The following LRRC37A3 variants were observed in gnomAD, a reference collection of about 807,000 sequenced individuals.
LRRC37A3 encodes the protein leucine-rich repeat-containing protein 37A3.
LRRC37A3 carries 25 observed loss-of-function variants against 106.2 expected under a neutral mutation model. The observed-to-expected ratio is 0.24, with a 90% confidence interval of 0.17 to 0.33. LRRC37A3 has a LOEUF of 0.33. LRRC37A3 is among the 10% of genes least tolerant of loss of function. The pLI is 1.00. For synonymous variants in LRRC37A3, 305 were observed against 635.8 expected (o/e 0.48, Z 7.83); for missense variants, 712 against 1,644.9 (o/e 0.43, Z 9.81).
At chr17:64,855,772 A>C (rs1256156279) in intron 14 of LRRC37A3, 68 bp downstream of exon 14, 1 of 1,605,440 alleles carries the variant, frequency 6.2e-7, no homozygotes, top group Non-Finnish European at 8.5e-7. Context: ...ATTGCACTCC[A>C]GCCTGGCAAC....
rs1268314889 is a variant in LRRC37A3, at chr17:64,866,573, TACATATATACACGTAC to T, written c.3053+1873_3053+1888del. On this transcript the variant is annotated intron_variant, in intron 10 of 14. Coordinates refer to ENST00000584306, the MANE Select transcript of LRRC37A3 (RefSeq NM_199340.5). ...ATATACACGTACATATATATATATATACATATATACACGTACATATATATATATATATATATATATA... is the reference window on the plus strand; with the variant it reads ...ATATACACGTACATATATATATATATATATATATATATATATATATATATA... Among the ~76,000 whole-genome samples the T allele has an allele frequency of 5.9e-3, 600 of 101,898 alleles. 18 individuals are homozygous for T. The highest frequency in any genetic ancestry group is 0.035 in the African/African-American group (561 of 16,082). 66.8% of individuals were successfully genotyped at this position (101,898 alleles called of 152,430 possible). A position where few individuals can be genotyped will look rare whatever the true frequency, so the allele number is the denominator to read the frequency against.
At chr17:64,916,054 T>C (rs959632214) in intron 2 of LRRC37A3, among the ~76,000 whole-genome samples, 8 of 152,108 alleles carry the variant, frequency 5.3e-5, no homozygotes, top group Admixed American at 4.6e-4. Context: ...CAGGCTGCAG[T>C]GAGCCAAGAT....
In LRRC37A3 at chr17:64,860,229, C is replaced by G. The variant is rs764013252; in HGVS notation, c.3917G>C (p.Arg1306Pro). 1 of 1,613,906 alleles carries G rather than the reference C, an allele frequency of 6.2e-7. No homozygotes were observed. The highest frequency in any genetic ancestry group is 8.5e-7 in the Non-Finnish European group (1 of 1,179,858). The change falls in exon 12 of 15, where the codon CGC (arginine) becomes CCC (proline). Residue 1306 changes from arginine (R) to proline (P), a missense_variant. Physicochemically the swap from Arg to Pro is moderately radical, Grantham distance 103 (BLOSUM62 -2). Coordinates refer to ENST00000584306, the MANE Select transcript of LRRC37A3 (RefSeq NM_199340.5). Reference sequence around the variant, plus strand: ...CATGCGGGAGCGAGTTTTGTGAAAGCGGTATTTTTTTCTGGAATGTACGAT... The same window carrying G: ...CATGCGGGAGCGAGTTTTGTGAAAGGGGTATTTTTTTCTGGAATGTACGAT... ...KPIVHSRKKYRFHKTRSRMTH... is the reference protein window; with the variant it reads ...KPIVHSRKKYPFHKTRSRMTH...
intron 14 of LRRC37A3, 76 bp downstream of exon 14, chr17:64,855,764 T>G: frequency 6.2e-7 from 1 of 1,602,792 alleles, no homozygotes; most frequent in Admixed American, 1.7e-5. Context: ...ATCGCGTCAT[T>G]GCACTCCAGC....
In LRRC37A3 at chr17:64,910,156, A is replaced by G. The variant is rs1322726407; in HGVS notation, c.-496+8594T>C. On this transcript the variant is annotated intron_variant, in intron 2 of 14. Coordinates refer to ENST00000584306, the MANE Select transcript of LRRC37A3 (RefSeq NM_199340.5). Reference sequence around the variant, plus strand: ...ATCTGTTATTTAATTAATTTCTCGTATTTTTAATAAAAACTTTGCCTATAT... The same window carrying G: ...ATCTGTTATTTAATTAATTTCTCGTGTTTTTAATAAAAACTTTGCCTATAT... 19 of 152,484 alleles carry G rather than the reference A, an allele frequency of 1.2e-4. No individual in the cohort carries two copies. The East Asian group carries it at 3.7e-3, about 29-fold the overall frequency. 9.4% of individuals were successfully genotyped at this position (152,484 alleles called of 1,614,324 possible).
intron 2 of LRRC37A3, among the ~76,000 whole-genome samples, chr17:64,916,581 G>C (rs1229841685): frequency 7.0e-6 from 1 of 142,846 alleles, no homozygotes; most frequent in Non-Finnish European, 1.5e-5. Flanking sequence ...TTCGAAATCA[G>C]TCTGGGCAAC....
chr17:64,871,450 GTTAA>G (rs1257446317), intron 8 of LRRC37A3: 1 of 151,560 alleles, frequency 6.6e-6, no homozygotes, highest in Non-Finnish European at 1.5e-5. Flanking sequence ...TGATTAAATA[GTTAA>G]TTAGTCTATG....
intron 8 of LRRC37A3, among the ~76,000 whole-genome samples, chr17:64,874,590 G>C (rs1254110504): frequency 6.6e-6 from 1 of 152,272 alleles, no homozygotes; most frequent in Non-Finnish European, 1.5e-5. Context: ...ACCCCATCTG[G>C]GAGGTGTACC....
At chr17:64,858,238 C>A (rs1044849153) in intron 13 of LRRC37A3, among the ~76,000 whole-genome samples, 2 of 152,156 alleles carry the variant, frequency 1.3e-5, no homozygotes, top group Non-Finnish European at 1.5e-5. Context: ...ATGTGGCCAA[C>A]AATTTTTGTA....
intron 10 of LRRC37A3, among the ~76,000 whole-genome samples, chr17:64,863,972 T>A (rs571368314): frequency 0.027 from 3,301 of 123,090 alleles, 97 homozygotes; most frequent in African/African-American, 0.12. Context: ...GCCCAGCTAA[T>A]TTTTTTTTTT....
chr17:64,866,801 T>TTATATATATATATATATATA (rs61583094), intron 10 of LRRC37A3, among the ~76,000 whole-genome samples: 4 of 124,714 alleles, frequency 3.2e-5, no homozygotes, highest in African/African-American at 9.5e-5. Context: ...TGGCTGATTT[T>TTATATATATATATATATATA]TATATATATA....
At chr17:64,871,017 G>A (rs1973295415) in intron 8 of LRRC37A3, among the ~76,000 whole-genome samples, 1 of 151,194 alleles carries the variant, frequency 6.6e-6, no homozygotes, top group African/African-American at 2.4e-5. Context: ...CTATAGGCAC[G>A]CACCACCACG....
Position 64,860,912 on chromosome 17 carries a change from C to T in LRRC37A3, c.3234G>A (p.Lys1078=). ...TAATCAGCTCAGTGCTTGTGTAATT[C>T]TTCCGGGCTTGTAACACCTTCATGA... The part of the protein sequence containing the change: ...GAFMKVLQAR[K]NYTSTELIIE... The change falls in exon 12 of 15, where the codon AAG becomes AAA. Residue 1078 remains lysine, a synonymous_variant. Coordinates refer to ENST00000584306, the MANE Select transcript of LRRC37A3 (RefSeq NM_199340.5). 1.2e-6 allele frequency: 2 copies of T among 1,614,124 alleles called. No individual in the cohort carries two copies. Among genetic ancestry groups the T allele is most frequent in the Non-Finnish European group, 1.7e-6 (2 of 1,179,986 alleles).
intron 2 of LRRC37A3, among the ~76,000 whole-genome samples, chr17:64,913,389 G>A (rs923344984): frequency 1.5e-4 from 23 of 148,938 alleles, no homozygotes; most frequent in African/African-American, 5.2e-4. Context: ...TTCCCAGGCT[G>A]GGGTGCAGTG....
At chr17:64,855,281 C>T (rs1398336559) in intron 14 of LRRC37A3, among the ~76,000 whole-genome samples, 2 of 151,336 alleles carry the variant, frequency 1.3e-5, no homozygotes, top group Non-Finnish European at 2.9e-5. Context: ...AGAGGAAGGA[C>T]TCACATATCC....
chr17:64,862,014 G>A (rs1026710965), intron 11 of LRRC37A3, among the ~76,000 whole-genome samples: 11 of 151,758 alleles, frequency 7.2e-5, no homozygotes, highest in African/African-American at 2.7e-4. Flanking sequence ...ACAGCACTTA[G>A]CACCTCTGAT....
At chr17:64,867,820 T>C (rs942495561) in intron 10 of LRRC37A3, among the ~76,000 whole-genome samples, 1 of 151,996 alleles carries the variant, frequency 6.6e-6, no homozygotes, top group African/African-American at 2.4e-5. Flanking sequence ...TTATCTGTAA[T>C]CCTAGCACTT....
At chr17:64,875,310 AC>A (rs1973474571) in intron 8 of LRRC37A3, among the ~76,000 whole-genome samples, 1 of 152,198 alleles carries the variant, frequency 6.6e-6, no homozygotes, top group African/African-American at 2.4e-5. Context: ...ACAGTGGAGG[AC>A]AAAAGGCAAT....
intron 2 of LRRC37A3, among the ~76,000 whole-genome samples, chr17:64,900,362 CTT>C (rs1276359330): frequency 2.6e-5 from 3 of 113,998 alleles, no homozygotes; most frequent in Admixed American, 1.8e-4. Context: ...GAGTTTCACT[CTT>C]GTTGCCCAGG....
Sources: allele counts gnomAD v4.1 joint callset (sites outside exome capture counted in the v4.1 genomes callset), GRCh38; gene constraint gnomAD v4.1.1; transcripts MANE v1.5; gene names NCBI Gene and HGNC (gene_info 2026-07-23, HGNC 2026-07-21).